The following HDAC9 variants were observed in gnomAD, a reference collection of about 807,000 sequenced individuals.
The protein encoded by HDAC9 is MEF-2 interacting transcription repressor (MITR) protein.
HDAC9 carries 41 observed loss-of-function variants against 139.4 expected under a neutral mutation model. The observed-to-expected ratio is 0.29, with a 90% CI of 0.23 to 0.38. HDAC9 has a LOEUF of 0.38. Among genes scored for constraint, HDAC9 ranks in the 10% least tolerant of loss-of-function variants. The pLI is 1.00. For synonymous variants in HDAC9, 517 were observed against 476.2 expected, an observed-to-expected ratio of 1.09 and a Z score of -1.12; for missense variants, 1,147 against 1,297.0, an observed-to-expected ratio of 0.88 and a Z score of 1.78.
At chr7:18,874,044 G>T (rs1799131690) in intron 21 of HDAC9, among the ~76,000 whole-genome samples, 1 of 150,722 alleles carries the variant, frequency 6.6e-6, no homozygotes, top group Non-Finnish European at 1.5e-5. Flanking sequence ...TTTCCCAAAA[G>T]AAATTTATAG....
At chr7:18,166,744 G>T (rs1374131903) in intron 2 of HDAC9, among the ~76,000 whole-genome samples, 1 of 152,134 alleles carries the variant, frequency 6.6e-6, no homozygotes, top group East Asian at 1.9e-4. Context: ...ACTCTTTAAT[G>T]ATTCACCATT....
At chr7:18,310,750 A>T (rs1230197017) in intron 1 of HDAC9, among the ~76,000 whole-genome samples, 2 of 151,608 alleles carry the variant, frequency 1.3e-5, no homozygotes, top group African/African-American at 4.8e-5. Flanking sequence ...CAGCTATAGA[A>T]TCAGGGGAAA....
intron 6 of HDAC9, 121 bp downstream of exon 6, chr7:18,594,150 C>T (rs967219389): frequency 3.3e-6 from 3 of 902,446 alleles, no homozygotes; most frequent in Non-Finnish European, 3.4e-6. Context: ...CTCCCCACCC[C>T]TGCCCCCAGC....
intron 21 of HDAC9, among the ~76,000 whole-genome samples, chr7:18,862,810 T>C (rs1798210766): frequency 6.6e-6 from 1 of 152,086 alleles, no homozygotes; most frequent in Non-Finnish European, 1.5e-5. Context: ...TGAGAAGAAT[T>C]ATGAAGACAG....
At chr7:18,636,430 AT>A (rs1182456905) in intron 8 of HDAC9, among the ~76,000 whole-genome samples, 3 of 152,004 alleles carry the variant, frequency 2.0e-5, no homozygotes, top group Non-Finnish European at 4.4e-5. Context: ...TTGACTTATC[AT>A]GGCACCACAT....
At chr7:18,899,683 A>G (rs927556551) in intron 22 of HDAC9, among the ~76,000 whole-genome samples, 3 of 151,986 alleles carry the variant, frequency 2.0e-5, no homozygotes, top group African/African-American at 4.8e-5. Context: ...TTAAAAATCT[A>G]TAAGCCTTGA....
chr7:18,533,605 T>G (rs1007674559), intron 2 of HDAC9, among the ~76,000 whole-genome samples: 1 of 152,212 alleles, frequency 6.6e-6, no homozygotes, highest in Admixed American at 6.5e-5. Flanking sequence ...GAATCTTCTC[T>G]TTATCTCTGT....
intron 1 of HDAC9, among the ~76,000 whole-genome samples, chr7:18,292,042 T>G (rs1797842551): frequency 1.3e-5 from 2 of 152,098 alleles, no homozygotes; most frequent in South Asian, 4.1e-4. Context: ...TTTTCATTGC[T>G]AATGAGAATG....
chr7:18,491,247 GTTT>G (rs1338996293), upstream of HDAC9, among the ~76,000 whole-genome samples: 1 of 151,778 alleles, frequency 6.6e-6, no homozygotes, highest in Non-Finnish European at 1.5e-5. Context: ...TTAAAAGGGG[GTTT>G]ATTTGAGAAA....
intron 13 of HDAC9, among the ~76,000 whole-genome samples, chr7:18,742,800 G>A (rs1255214025): frequency 3.3e-5 from 5 of 151,960 alleles, no homozygotes; most frequent in African/African-American, 7.3e-5. Context: ...ATTGCCTCCA[G>A]TATAGATTTT....
At chr7:18,122,591 A>C (rs921788588) in intron 1 of HDAC9, among the ~76,000 whole-genome samples, 1 of 152,014 alleles carries the variant, frequency 6.6e-6, no homozygotes, top group Non-Finnish European at 1.5e-5. Flanking sequence ...CAGAATTCTA[A>C]GGATTTGGGT....
At chr7:18,128,098 G>A (rs1187221369) in intron 1 of HDAC9, among the ~76,000 whole-genome samples, 1 of 152,008 alleles carries the variant, frequency 6.6e-6, no homozygotes, top group African/African-American at 2.4e-5. Context: ...TACCAACATA[G>A]TAGCAGACCA....
chr7:18,383,092 G>A (rs901445588), intron 1 of HDAC9, among the ~76,000 whole-genome samples: 1 of 152,166 alleles, frequency 6.6e-6, no homozygotes, highest in African/African-American at 2.4e-5. Flanking sequence ...AAGGAAACTT[G>A]TAAAGAGAAA....
At chr7:18,818,013 G>C (rs555397254) in intron 17 of HDAC9, among the ~76,000 whole-genome samples, 1 of 152,346 alleles carries the variant, frequency 6.6e-6, no homozygotes, top group East Asian at 1.9e-4. Context: ...TTGGGTAGCT[G>C]AAATTTTGGC....
intron 6 of HDAC9, among the ~76,000 whole-genome samples, chr7:18,598,385 G>A (rs916725229): frequency 6.6e-6 from 1 of 152,016 alleles, no homozygotes; most frequent in African/African-American, 2.4e-5. Flanking sequence ...TTCTTTTAAT[G>A]AATCTTATAC....
chr7:18,604,732 T>C (rs1354604906), intron 6 of HDAC9, among the ~76,000 whole-genome samples: 1 of 152,182 alleles, frequency 6.6e-6, no homozygotes, highest in Non-Finnish European at 1.5e-5. Flanking sequence ...GCTGTGCTTT[T>C]GATCTCCAGC....
intron 2 of HDAC9, among the ~76,000 whole-genome samples, chr7:18,281,855 G>A (rs1055111781): frequency 2.6e-5 from 4 of 152,068 alleles, no homozygotes; most frequent in Non-Finnish European, 4.4e-5. Flanking sequence ...CATAAATAAT[G>A]TACCCTGACT....
At chr7:18,873,503 G>A (rs1048404931) in intron 21 of HDAC9, among the ~76,000 whole-genome samples, 4 of 151,956 alleles carry the variant, frequency 2.6e-5, no homozygotes, top group Admixed American at 6.6e-5. Flanking sequence ...AAATTCATAC[G>A]TAATCATTGT....
intron 22 of HDAC9, among the ~76,000 whole-genome samples, chr7:18,890,517 G>A (rs1023751447): frequency 3.3e-5 from 5 of 152,144 alleles, no homozygotes; most frequent in African/African-American, 1.2e-4. Flanking sequence ...AATAGTACAG[G>A]TTTAATAATA....
Sources: allele counts gnomAD v4.1 joint callset (sites outside exome capture counted in the v4.1 genomes callset), GRCh38; gene constraint gnomAD v4.1.1; transcripts MANE v1.5; gene names NCBI Gene and HGNC (gene_info 2026-07-23, HGNC 2026-07-21).